The following LHFPL3 variants were observed in gnomAD, a reference collection of about 807,000 sequenced individuals.
The protein encoded by LHFPL3 is LHFPL tetraspan subfamily member 3.
LHFPL3 carries 5 observed loss-of-function variants against 19.3 expected under a neutral mutation model. The observed-to-expected ratio is 0.26, with a 90% CI of 0.14 to 0.54. The LOEUF is 0.54. LHFPL3 is among the 20% of genes least tolerant of loss of function. LHFPL3 has a pLI of 0.94. For missense variants in LHFPL3, 249 were observed against 307.4 expected (o/e 0.81, Z 1.42); for synonymous variants, 133 against 126.2 (o/e 1.05, Z -0.36).
chr7:104,402,923 G>A (rs1357541087), intron 1 of LHFPL3, among the ~76,000 whole-genome samples: 1 of 151,982 alleles, frequency 6.6e-6, no homozygotes. Context: ...GAATGAAGCT[G>A]GAAGCCATTA....
intron 1 of LHFPL3, among the ~76,000 whole-genome samples, chr7:104,438,302 C>T (rs1299824737): frequency 9.2e-5 from 14 of 152,162 alleles, no homozygotes; most frequent in Admixed American, 9.2e-4. Context: ...GGTGTTTTCT[C>T]TGTAATCTTA....
At chr7:104,378,990 T>G (rs895679576) in intron 1 of LHFPL3, among the ~76,000 whole-genome samples, 2 of 152,236 alleles carry the variant, frequency 1.3e-5, no homozygotes, top group Admixed American at 6.5e-5. Context: ...TCCTTGGATT[T>G]AATTTATTCC....
intron 2 of LHFPL3, among the ~76,000 whole-genome samples, chr7:104,897,588 A>C (rs1226826088): frequency 6.6e-6 from 1 of 152,214 alleles, no homozygotes; most frequent in Non-Finnish European, 1.5e-5. Flanking sequence ...GAATGCACTT[A>C]AGGTTTTAAA....
rs58831498 is a variant in LHFPL3, at chr7:104,541,103, G to GACACACACAC, written c.446-195536_446-195527dup. ...TTTTCCATATACACATCCTCCCCAT[G>GACACACACAC]ACACACACACACACACACACACACA... On this transcript the variant is annotated intron_variant, in intron 1 of 2. Coordinates refer to ENST00000424859, the MANE Select transcript of LHFPL3 (RefSeq NM_199000.3). Among the ~76,000 whole-genome samples, 808 of 134,618 alleles carry GACACACACAC rather than the reference G, an allele frequency of 6.0e-3. 7 individuals carry two copies. Among genetic ancestry groups the GACACACACAC allele is most frequent in the South Asian group, 0.015 (55 of 3,700 alleles). The allele number at this position is 134,618 out of a possible 152,430, so 88.3% of individuals were successfully genotyped here. A position where few individuals can be genotyped will look rare whatever the true frequency, so the allele number is the denominator to read the frequency against.
chr7:104,428,521 A>G (rs1791891658), intron 1 of LHFPL3, among the ~76,000 whole-genome samples: 1 of 152,132 alleles, frequency 6.6e-6, no homozygotes, highest in Admixed American at 6.5e-5. Context: ...TGTCCTGGTT[A>G]TATTTTCTGC....
At chr7:104,615,739 T>C (rs1452597832) in intron 1 of LHFPL3, among the ~76,000 whole-genome samples, 1 of 151,966 alleles carries the variant, frequency 6.6e-6, no homozygotes, top group African/African-American at 2.4e-5. Flanking sequence ...TGTGTTCTCT[T>C]TGTTCAACTC....
chr7:104,507,779 C>A (rs757943311), intron 1 of LHFPL3, among the ~76,000 whole-genome samples: 12,690 of 129,332 alleles, frequency 0.098, 622 homozygotes, highest in East Asian at 0.11. Flanking sequence ...ACAAACAACC[C>A]CATCAAAAAG....
At chr7:104,352,305 A>G (rs1248840500) in intron 1 of LHFPL3, among the ~76,000 whole-genome samples, 1 of 152,178 alleles carries the variant, frequency 6.6e-6, no homozygotes. Flanking sequence ...AATTATTACC[A>G]TTACATTTAT....
chr7:104,402,381 C>G (rs530515758), intron 1 of LHFPL3, among the ~76,000 whole-genome samples: 1 of 152,158 alleles, frequency 6.6e-6, no homozygotes, highest in Non-Finnish European at 1.5e-5. Flanking sequence ...TAGCCAAGGG[C>G]TTTTGACGAT....
At chr7:104,718,825 C>T (rs776340523) in intron 1 of LHFPL3, among the ~76,000 whole-genome samples, 5 of 152,048 alleles carry the variant, frequency 3.3e-5, no homozygotes, top group South Asian at 2.1e-4. Context: ...GTAACTATGG[C>T]ACAAAGTGGT....
chr7:104,633,354 G>T (rs530305438), intron 1 of LHFPL3, among the ~76,000 whole-genome samples: 1 of 152,206 alleles, frequency 6.6e-6, no homozygotes, highest in African/African-American at 2.4e-5. Context: ...TCCACAACAG[G>T]CATTTTGTCT....
At chr7:104,601,268 C>G (rs1053385966) in intron 1 of LHFPL3, among the ~76,000 whole-genome samples, 3 of 152,148 alleles carry the variant, frequency 2.0e-5, no homozygotes, top group African/African-American at 7.2e-5. Context: ...TAAATTAGCA[C>G]TCTTCCCCTC....
chr7:104,638,615 A>T (rs1791772920), intron 1 of LHFPL3, among the ~76,000 whole-genome samples: 1 of 152,164 alleles, frequency 6.6e-6, no homozygotes, highest in African/African-American at 2.4e-5. Context: ...GTTGAATTTT[A>T]TCAAAAGCCT....
intron 1 of LHFPL3, among the ~76,000 whole-genome samples, chr7:104,534,735 C>G (rs1025861667): frequency 6.6e-6 from 1 of 152,132 alleles, no homozygotes; most frequent in Admixed American, 6.5e-5. Flanking sequence ...TTATAGATTG[C>G]TTTTATATCC....
chr7:104,351,611 T>C (rs1280341832), intron 1 of LHFPL3, among the ~76,000 whole-genome samples: 1 of 152,242 alleles, frequency 6.6e-6, no homozygotes. Flanking sequence ...TTTAAAATTT[T>C]ACTTCTAGAC....
chr7:104,592,133 C>A (rs1034929838), intron 1 of LHFPL3, among the ~76,000 whole-genome samples: 1 of 152,206 alleles, frequency 6.6e-6, no homozygotes, highest in African/African-American at 2.4e-5. Context: ...TCGTCAAAGT[C>A]ATTCTCCATC....
intron 1 of LHFPL3, among the ~76,000 whole-genome samples, chr7:104,503,606 A>G (rs1371480618): frequency 2.6e-5 from 4 of 152,058 alleles, no homozygotes; most frequent in South Asian, 2.1e-4. Flanking sequence ...GTCTCACCCT[A>G]TCACCCAGGC....
At chr7:104,823,917 G>A (rs949026905) in intron 2 of LHFPL3, among the ~76,000 whole-genome samples, 7 of 151,486 alleles carry the variant, frequency 4.6e-5, no homozygotes, top group African/African-American at 2.4e-5. Flanking sequence ...AGGCCAAAAC[G>A]GGTGGATCAC....
chr7:104,879,548 C>T (rs1025968546), intron 2 of LHFPL3, among the ~76,000 whole-genome samples: 1 of 152,188 alleles, frequency 6.6e-6, no homozygotes, highest in South Asian at 2.1e-4. Flanking sequence ...GGCAAGATCC[C>T]ATCTCCACAA....
Sources: allele counts gnomAD v4.1 joint callset (sites outside exome capture counted in the v4.1 genomes callset), GRCh38; gene constraint gnomAD v4.1.1; transcripts MANE v1.5; gene names NCBI Gene and HGNC (gene_info 2026-07-23, HGNC 2026-07-21).